Variants in FHIT observed in about 807,000 individuals in gnomAD.
The protein encoded by FHIT is fragile histidine triad diadenosine triphosphatase, also known as bis(5'-adenosyl)-triphosphatase.
FHIT carries 19 observed loss-of-function variants against 17.9 expected under a neutral mutation model. The ratio of observed to expected loss-of-function variants is 1.06; its 90% CI spans 0.74 to 1.56. The LOEUF (loss-of-function observed/expected upper bound fraction) is 1.56, where lower values mean the gene tolerates loss of function less well. FHIT is among the 40% of genes most tolerant of loss of function. The pLI is 0.00. For synonymous variants in FHIT, 81 were observed against 69.7 expected (o/e 1.16, Z -0.81); for missense variants, 248 against 189.2 (o/e 1.31, Z -1.82).
At chr3:60,152,355 G>A (rs942501106) in intron 5 of FHIT, among the ~76,000 whole-genome samples, 1 of 152,114 alleles carries the variant, frequency 6.6e-6, no homozygotes, top group African/African-American at 2.4e-5. Context: ...ATTTTTACCT[G>A]AAAAAATTAT....
chr3:60,843,928 T>C (rs1702831802), intron 3 of FHIT, among the ~76,000 whole-genome samples: 1 of 152,084 alleles, frequency 6.6e-6, no homozygotes, highest in Admixed American at 6.6e-5. Context: ...CCTGACACTC[T>C]AGGGGTAAGG....
At chr3:60,252,338 G>C (rs964337512) in intron 5 of FHIT, among the ~76,000 whole-genome samples, 2 of 152,040 alleles carry the variant, frequency 1.3e-5, no homozygotes, top group Non-Finnish European at 2.9e-5. Context: ...GAGCCCAGGA[G>C]TTTAAGACCA....
chr3:60,022,691 C>A (rs1424042812), intron 5 of FHIT, among the ~76,000 whole-genome samples: 2 of 152,152 alleles, frequency 1.3e-5, no homozygotes, highest in Admixed American at 1.3e-4. Flanking sequence ...GAAGAGGATT[C>A]TGAAGCTCTG....
At chr3:60,608,588 T>TC (rs1392507773) in intron 4 of FHIT, among the ~76,000 whole-genome samples, 2 of 150,688 alleles carry the variant, frequency 1.3e-5, no homozygotes, top group East Asian at 1.9e-4. Context: ...TTATTTTTTT[T>TC]CCCACCAGGA....
intron 5 of FHIT, among the ~76,000 whole-genome samples, chr3:60,295,801 A>G (rs971877228): frequency 1.3e-5 from 2 of 152,160 alleles, no homozygotes; most frequent in Non-Finnish European, 2.9e-5. Context: ...GAGAAAGGAT[A>G]GCTTTTCCAA....
At chr3:60,568,598 A>G (rs1013661873) in intron 4 of FHIT, among the ~76,000 whole-genome samples, 5 of 151,768 alleles carry the variant, frequency 3.3e-5, no homozygotes, top group African/African-American at 4.8e-5. Flanking sequence ...CCTGAAACTT[A>G]AAGTATAATA....
intron 2 of FHIT, among the ~76,000 whole-genome samples, chr3:61,065,412 AT>A (rs2034569825): frequency 6.6e-6 from 1 of 152,186 alleles, no homozygotes; most frequent in Non-Finnish European, 1.5e-5. Context: ...TTGTTTTTGC[AT>A]GTGAATTTCA....
At chr3:60,500,771 T>TTAA (rs751877681) in intron 5 of FHIT, among the ~76,000 whole-genome samples, 1 of 64,864 alleles carries the variant, frequency 1.5e-5, no homozygotes. Flanking sequence ...AGCATCCATC[T>TTAA]AAAAAAAAAA....
intron 8 of FHIT, among the ~76,000 whole-genome samples, chr3:59,762,208 C>T (rs564852029): frequency 6.6e-6 from 1 of 152,242 alleles, no homozygotes; most frequent in Non-Finnish European, 1.5e-5. Context: ...GCAATTTTGT[C>T]ACACTGCTCA....
chr3:59,901,033 T>C (rs1324303545), intron 8 of FHIT, among the ~76,000 whole-genome samples: 1 of 152,224 alleles, frequency 6.6e-6, no homozygotes, highest in African/African-American at 2.4e-5. Context: ...TCTTACTGTT[T>C]TGTCTGTTAA....
chr3:60,882,925 G>C (rs797030467), intron 3 of FHIT, among the ~76,000 whole-genome samples: 14 of 152,190 alleles, frequency 9.2e-5, no homozygotes, highest in African/African-American at 3.1e-4. Context: ...AAGTCAAATT[G>C]TCCCTGTTTA....
Position 60,011,337 on chromosome 3 carries a change from C to G in FHIT, c.279+34G>C, listed in dbSNP as rs749121136. 8 of 1,607,092 alleles carry G rather than the reference C, an allele frequency of 5.0e-6. No individual in the cohort carries two copies. In the African/African-American group the frequency reaches 1.1e-4, roughly 21 times the overall value. ...TTTTTATTAGTTCTCATAATCGCCTCTTATTAATTTGTATGCACATAATAA... is the reference window on the plus strand; with the variant it reads ...TTTTTATTAGTTCTCATAATCGCCTGTTATTAATTTGTATGCACATAATAA... On this transcript the variant is annotated intron_variant, in intron 7 of 9. Transcript: ENST00000492590.
chr3:60,165,459 A>G (rs1701131230), intron 5 of FHIT, among the ~76,000 whole-genome samples: 1 of 152,168 alleles, frequency 6.6e-6, no homozygotes, highest in Non-Finnish European at 1.5e-5. Flanking sequence ...TATTCATGCC[A>G]CTTCCAAGAA....
At chr3:59,845,345 C>T (rs946138516) in intron 8 of FHIT, among the ~76,000 whole-genome samples, 8 of 151,584 alleles carry the variant, frequency 5.3e-5, no homozygotes, top group South Asian at 2.1e-4. Flanking sequence ...GGGGTTAGTG[C>T]GTTATTTTTC....
intron 5 of FHIT, among the ~76,000 whole-genome samples, chr3:60,097,850 G>T (rs1033587237): frequency 7.0e-6 from 1 of 143,108 alleles, no homozygotes; most frequent in African/African-American, 2.6e-5. Context: ...ATCTCCTAAT[G>T]CTATCCCTCC....
At chr3:60,895,107 A>G (rs1398328779) in intron 3 of FHIT, among the ~76,000 whole-genome samples, 1 of 152,162 alleles carries the variant, frequency 6.6e-6, no homozygotes, top group Non-Finnish European at 1.5e-5. Flanking sequence ...AGCCTCCTTG[A>G]AGCTGGAATA....
chr3:61,200,420 C>T (rs537878992), intron 2 of FHIT, among the ~76,000 whole-genome samples, 197 bp downstream of exon 2: 1 of 152,220 alleles, frequency 6.6e-6, no homozygotes, highest in East Asian at 1.9e-4. Flanking sequence ...TGTCTACTCT[C>T]AACACATCAT....
At chr3:60,702,823 G>T (rs1488280624) in intron 4 of FHIT, among the ~76,000 whole-genome samples, 1 of 152,072 alleles carries the variant, frequency 6.6e-6, no homozygotes, top group South Asian at 2.1e-4. Flanking sequence ...ATATTTTACT[G>T]TTTAATGTAA....
At chr3:60,307,678 G>A (rs1708742156) in intron 5 of FHIT, among the ~76,000 whole-genome samples, 1 of 152,036 alleles carries the variant, frequency 6.6e-6, no homozygotes, top group Non-Finnish European at 1.5e-5. Context: ...CAGGAAAAGA[G>A]GTATTTTCTC....
Sources: gnomAD v4.1 joint callset for allele counts (sites outside exome capture counted in the v4.1 genomes callset) on GRCh38, gnomAD v4.1.1 for gene constraint, MANE v1.5 for transcripts, NCBI Gene and HGNC (gene_info 2026-07-23, HGNC 2026-07-21) for gene names.